Variants in KCNQ5 observed in about 807,000 individuals in gnomAD.
KCNQ5 encodes the protein potassium voltage-gated channel subfamily KQT member 5.
KCNQ5 carries 30 observed loss-of-function variants against 98.2 expected under a neutral mutation model. The ratio of observed to expected loss-of-function variants is 0.31; its 90% CI spans 0.23 to 0.41. The LOEUF (loss-of-function observed/expected upper bound fraction) is 0.41, where lower values mean the gene tolerates loss of function less well. KCNQ5 is among the 10% of genes least tolerant of loss of function. KCNQ5 has a pLI of 1.00. For synonymous variants in KCNQ5, 458 were observed against 449.4 expected, an observed-to-expected ratio of 1.02 and a Z score of -0.24; for missense variants, 835 against 1,182.5, an observed-to-expected ratio of 0.71 and a Z score of 4.31.
intron 3 of KCNQ5, among the ~76,000 whole-genome samples, chr6:73,049,187 G>A (rs1052890700): frequency 5.3e-5 from 8 of 152,134 alleles, no homozygotes; most frequent in African/African-American, 1.7e-4. Context: ...ATATCACAGA[G>A]CAACTCAGTG....
intron 1 of KCNQ5, among the ~76,000 whole-genome samples, chr6:72,626,842 A>G (rs907577790): frequency 6.6e-6 from 1 of 152,232 alleles, no homozygotes; most frequent in Non-Finnish European, 1.5e-5. Flanking sequence ...AACCAAAGAA[A>G]TGTTAAGGAG....
At chr6:72,723,619 C>T (rs1770091246) in intron 1 of KCNQ5, among the ~76,000 whole-genome samples, 1 of 152,096 alleles carries the variant, frequency 6.6e-6, no homozygotes, top group African/African-American at 2.4e-5. Context: ...CTCTATTCTC[C>T]CCTCACTTTT....
chr6:72,654,622 C>T (rs765692494), intron 1 of KCNQ5, among the ~76,000 whole-genome samples: 17 of 151,906 alleles, frequency 1.1e-4, no homozygotes, highest in Admixed American at 4.6e-4. Flanking sequence ...GAGTGCTGCA[C>T]GAGGGGAGAA....
chr6:72,714,158 C>A (rs1769521794), intron 1 of KCNQ5, among the ~76,000 whole-genome samples: 1 of 152,138 alleles, frequency 6.6e-6, no homozygotes, highest in Non-Finnish European at 1.5e-5. Context: ...GACATATGTT[C>A]CTAGTGAGTC....
intron 2 of KCNQ5, among the ~76,000 whole-genome samples, chr6:73,007,779 G>A (rs1769879291): frequency 6.6e-6 from 1 of 152,090 alleles, no homozygotes; most frequent in African/African-American, 2.4e-5. Flanking sequence ...TGATCACAGA[G>A]GCGCAGACAA....
intron 1 of KCNQ5, among the ~76,000 whole-genome samples, chr6:72,860,837 A>ATGTG (rs530909376): frequency 3.7e-5 from 4 of 107,196 alleles, no homozygotes; most frequent in African/African-American, 1.2e-4. Context: ...CTTTTAAGGC[A>ATGTG]TGTGTGTGTG....
At chr6:72,880,465 C>A (rs933101896) in intron 1 of KCNQ5, among the ~76,000 whole-genome samples, 2 of 152,150 alleles carry the variant, frequency 1.3e-5, no homozygotes, top group Admixed American at 1.3e-4. Context: ...CTCCAAATAT[C>A]ATTACCTTGA....
intron 11 of KCNQ5, among the ~76,000 whole-genome samples, chr6:73,172,318 G>T (rs1273273125): frequency 6.6e-6 from 1 of 152,012 alleles, no homozygotes; most frequent in Admixed American, 6.6e-5. Context: ...AGCCAAGATT[G>T]TGCCACTGCA....
intron 10 of KCNQ5, among the ~76,000 whole-genome samples, chr6:73,151,864 T>C (rs763389258): frequency 4.6e-5 from 7 of 152,216 alleles, no homozygotes; most frequent in Non-Finnish European, 1.0e-4. Context: ...ATCCAATTTT[T>C]TTTACATAAA....
chr6:73,116,189 T>C (rs1775482734), intron 7 of KCNQ5, among the ~76,000 whole-genome samples: 1 of 152,166 alleles, frequency 6.6e-6, no homozygotes, highest in Admixed American at 6.5e-5. Flanking sequence ...GCAGTTACAT[T>C]GTCATAATAA....
At chr6:72,770,179 G>A (rs1224024425) in intron 1 of KCNQ5, among the ~76,000 whole-genome samples, 5 of 152,102 alleles carry the variant, frequency 3.3e-5, no homozygotes, top group African/African-American at 1.2e-4. Flanking sequence ...TCTAGAAAAT[G>A]TTGGCAGTTA....
chr6:72,646,782 C>T (rs952497611), intron 1 of KCNQ5, among the ~76,000 whole-genome samples: 1 of 152,222 alleles, frequency 6.6e-6, no homozygotes. Context: ...TACATCATCT[C>T]ATTTACAAAT....
At chr6:73,146,626 CAAAA>C (rs58798764) in intron 10 of KCNQ5, among the ~76,000 whole-genome samples, 769 of 28,386 alleles carry the variant, frequency 0.027, 5 homozygotes, top group African/African-American at 0.069. Flanking sequence ...GTCCCTGTCT[CAAAA>C]AAAAAAAAAA....
intron 1 of KCNQ5, among the ~76,000 whole-genome samples, chr6:72,712,728 A>T (rs1769430919): frequency 6.6e-6 from 1 of 152,012 alleles, no homozygotes; most frequent in South Asian, 2.1e-4. Flanking sequence ...AAGCTCAATA[A>T]TTTTTTGCTT....
chr6:73,194,792 T>C lies in KCNQ5; in HGVS notation c.2177T>C (p.Val726Ala), dbSNP rs1582519841. ...ATTAGTCAAAGCGATGGCTCAGCAGTGGCAGCCACCAACACCATTGCAAAC... is the reference window on the plus strand; with the variant it reads ...ATTAGTCAAAGCGATGGCTCAGCAGCGGCAGCCACCAACACCATTGCAAAC... ...VPISQSDGSA[V>A]AATNTIANQI... Residue 726 changes from valine to alanine, a missense_variant, in exon 14 of 14, where the codon GTG (valine) becomes GCG (alanine). Physicochemically the swap from Val to Ala is moderately conservative, Grantham distance 64. Around this residue, in one of 10 missense-constraint regions of KCNQ5, gnomAD observed 416 missense variants for 446.9 expected, o/e 0.93. Transcript: ENST00000370398. 1 of 1,614,100 alleles carries C rather than the reference T, an allele frequency of 6.2e-7. No homozygotes were observed. Among genetic ancestry groups the C allele is most frequent in the Non-Finnish European group, 8.5e-7 (1 of 1,180,050 alleles).
chr6:72,690,910 A>G (rs1768186987), intron 1 of KCNQ5, among the ~76,000 whole-genome samples: 1 of 152,142 alleles, frequency 6.6e-6, no homozygotes, highest in Non-Finnish European at 1.5e-5. Context: ...TGAAAATTAT[A>G]TTTATCCTTT....
At chr6:72,685,810 C>T (rs76471658) in intron 1 of KCNQ5, among the ~76,000 whole-genome samples, 2,029 of 152,194 alleles carry the variant, frequency 0.013, 33 homozygotes, top group African/African-American at 0.042. Context: ...GGATAACTTC[C>T]TAGAAATGTA....
intron 1 of KCNQ5, among the ~76,000 whole-genome samples, chr6:72,921,824 G>A (rs1309768753): frequency 6.6e-6 from 1 of 152,066 alleles, no homozygotes; most frequent in South Asian, 2.1e-4. Flanking sequence ...AAACAAAGCT[G>A]GGTGTCAGTA....
chr6:72,787,787 T>C (rs1030351247), intron 1 of KCNQ5, among the ~76,000 whole-genome samples: 2 of 152,190 alleles, frequency 1.3e-5, no homozygotes, highest in Non-Finnish European at 2.9e-5. Flanking sequence ...ATTTCCAAAC[T>C]TAATCAGCTC....
Sources: gnomAD v4.1 joint callset for allele counts (sites outside exome capture counted in the v4.1 genomes callset) on GRCh38, gnomAD v4.1.1 for gene constraint, gnomAD v4.1.1 regional missense constraint, MANE v1.5 for transcripts, NCBI Gene and HGNC (gene_info 2026-07-23, HGNC 2026-07-21) for gene names.